Variants in PACS2 observed in about 807,000 individuals in gnomAD.
The protein encoded by PACS2 is PACS1-like protein.
PACS2 carries 36 observed loss-of-function variants against 113.0 expected under a neutral mutation model. The ratio of observed to expected loss-of-function variants is 0.32; its 90% CI spans 0.24 to 0.42. The LOEUF is 0.42. Among genes scored for constraint, PACS2 ranks in the 10% least tolerant of loss-of-function variants. The probability of loss-of-function intolerance (pLI) is 1.00; values close to 1 mark genes in which losing one functional copy is unlikely to be tolerated. For synonymous variants in PACS2, 589 were observed against 536.1 expected (o/e 1.10, Z -1.36); for missense variants, 1,015 against 1,239.5 (o/e 0.82, Z 2.72).
At chr14:105,367,098 G>T (rs2060967926) in intron 4 of PACS2, 115 bp from the exon 5 acceptor site, 2 of 919,818 alleles carry the variant, frequency 2.2e-6, no homozygotes, top group African/African-American at 1.7e-5. Context: ...CCTGCTGAGG[G>T]TCCCCCTTGC....
intron 1 of PACS2, among the ~76,000 whole-genome samples, chr14:105,347,007 C>T (rs1161408336): frequency 2.5e-5 from 2 of 79,740 alleles, no homozygotes; most frequent in Non-Finnish European, 5.0e-5. Flanking sequence ...CACAGCTTCC[C>T]TACCCCCGCC....
At chr14:105,361,776 C>A (rs1555406526) in intron 4 of PACS2, among the ~76,000 whole-genome samples, 1 of 152,086 alleles carries the variant, frequency 6.6e-6, no homozygotes, top group Non-Finnish European at 1.5e-5. Flanking sequence ...ATGGAGAAAC[C>A]CCGTCTCTAC....
At position 105,367,200 on chromosome 14, in the gene PACS2, C is replaced by T. The variant is rs782485299; in HGVS notation, c.424-13C>T. On this transcript the variant is annotated splice_polypyrimidine_tract_variant and intron_variant, in intron 4 of 24. Coordinates refer to ENST00000447393, the MANE Select transcript of PACS2 (RefSeq NM_001100913.3). The stretch of plus-strand genomic sequence containing the variant: ...GTCGTGCTGCTTTCTAGAACCGTGC[C>T]CCTGGCCTGCAGGTGATGCAACACC... 6.2e-7 allele frequency: 1 copy of T among 1,611,924 alleles called. No individual in the cohort carries two copies. The highest frequency in any genetic ancestry group is 2.2e-5 in the East Asian group (1 of 44,856).
chr14:105,380,483 C>T (rs1434421206), intron 11 of PACS2, among the ~76,000 whole-genome samples: 1 of 148,146 alleles, frequency 6.8e-6, no homozygotes, highest in Admixed American at 6.7e-5. Flanking sequence ...CCCTCAGGGT[C>T]AGGGCAGCTG....
Position 105,376,995 on chromosome 14 carries a change from G to A in PACS2, c.959+70G>A, listed in dbSNP as rs1389050124. Reference sequence around the variant, plus strand: ...GCCCCGGCCACTCTGCGACCACTCTGGCAGACCCATGTCCAGCCCTGGAGA... The same window carrying A: ...GCCCCGGCCACTCTGCGACCACTCTAGCAGACCCATGTCCAGCCCTGGAGA... On this transcript the variant is annotated intron_variant, in intron 9 of 24. Transcript: ENST00000447393. This position sits in a 1 kb window ranked among gnomAD's most constrained non-coding sequence, Gnocchi z 4.7. 2.7e-5 allele frequency: 40 copies of A among 1,470,358 alleles called. No homozygotes were observed. Among genetic ancestry groups the A allele is most frequent in the Non-Finnish European group, 3.3e-5 (36 of 1,089,310 alleles). The allele number at this position is 1,470,358 out of a possible 1,614,324, so 91.1% of individuals were successfully genotyped here.
chr14:105,363,355 T>C (rs375024127), intron 4 of PACS2, among the ~76,000 whole-genome samples: 6 of 151,366 alleles, frequency 4.0e-5, no homozygotes, highest in African/African-American at 1.5e-4. Flanking sequence ...TGTTGTTTAG[T>C]GTTAGCCACC....
At position 105,368,034 on chromosome 14, in the gene PACS2, A is replaced by T. The variant is rs782712078; in HGVS notation, c.587-40A>T. The T allele has an allele frequency of 5.1e-6, 7 of 1,383,764 alleles. No homozygotes were observed. The South Asian group carries it at 8.1e-5, about 16-fold the overall frequency. 85.7% of individuals were successfully genotyped at this position (1,383,764 alleles called of 1,614,324 possible). On this transcript the variant is annotated intron_variant, in intron 5 of 24. Coordinates refer to ENST00000447393, the MANE Select transcript of PACS2 (RefSeq NM_001100913.3). Reference sequence around the variant, plus strand: ...GGTCACTGCCTGGTTTCCCGGGTGGAATCTCACGGCACCCTCCCTTCTGTC... The same window carrying T: ...GGTCACTGCCTGGTTTCCCGGGTGGTATCTCACGGCACCCTCCCTTCTGTC...
chr14:105,352,677 C>CGGGCACCCCTCATCACCGTCCCCTGGGGT (rs2141030020), intron 3 of PACS2, among the ~76,000 whole-genome samples: 2 of 110,910 alleles, frequency 1.8e-5, no homozygotes, highest in South Asian at 6.5e-4. Context: ...TCCCCTGGGG[C>CGGGCACCCCTCATCACCGTCCCCTGGGGT]GACGGGCCCC....
In PACS2 at chr14:105,317,169, G is replaced by C. The variant is rs143603899; in HGVS notation, c.119+2132G>C. Among the ~76,000 whole-genome samples, 94 of 152,322 alleles carry C rather than the reference G, an allele frequency of 6.2e-4. 1 individual carries two copies. Among genetic ancestry groups the C allele is most frequent in the Middle Eastern group, 6.8e-3 (2 of 294 alleles). Reference sequence around the variant, plus strand: ...GCTGCGTGTGTGCTGATGCCTTTCGGCGTGTTCACTGCTGCGTACTATTCA... The same window carrying C: ...GCTGCGTGTGTGCTGATGCCTTTCGCCGTGTTCACTGCTGCGTACTATTCA... On this transcript the variant is annotated intron_variant, in intron 1 of 24. Transcript: ENST00000447393. The surrounding 1 kb of genome is among the most constrained non-coding windows in gnomAD (Gnocchi z 4.2).
intron 3 of PACS2, among the ~76,000 whole-genome samples, chr14:105,353,968 T>C (rs1326088100): frequency 1.3e-5 from 2 of 151,472 alleles, no homozygotes; most frequent in Non-Finnish European, 2.9e-5. Flanking sequence ...TCCCAGCACT[T>C]CGGGAGGCCG....
intron 1 of PACS2, among the ~76,000 whole-genome samples, chr14:105,318,596 C>T (rs757461129): frequency 6.6e-6 from 1 of 151,664 alleles, no homozygotes; most frequent in Non-Finnish European, 1.5e-5. Flanking sequence ...ACTACAGGCG[C>T]CTGCCAGCAT....
chr14:105,387,437 A>C (rs1232980817), intron 19 of PACS2, among the ~76,000 whole-genome samples: 2 of 152,210 alleles, frequency 1.3e-5, no homozygotes, highest in African/African-American at 4.8e-5. Context: ...GCCCAGGGCC[A>C]TGCGGAGTGG....
chr14:105,373,520 A>G (rs1555409760), intron 8 of PACS2, among the ~76,000 whole-genome samples: 1 of 152,252 alleles, frequency 6.6e-6, no homozygotes. Flanking sequence ...ATGCAAAAGA[A>G]GGAATTACAG....
At chr14:105,368,319 G>T in intron 6 of PACS2, 140 bp from the exon 7 acceptor site, 1 of 820,502 alleles carries the variant, frequency 1.2e-6, no homozygotes, top group Non-Finnish European at 2.0e-6. Context: ...CCGAGTTTAT[G>T]CTCAGGTGGC....
At chr14:105,385,637 AG>A in intron 18 of PACS2, 47 bp from the exon 19 acceptor site, 1 of 1,427,070 alleles carries the variant, frequency 7.0e-7, no homozygotes, top group Non-Finnish European at 9.4e-7. Context: ...AGGGGTCCTG[AG>A]GGCGTCGTAA....
At chr14:105,326,727 G>A (rs1239048287) in intron 1 of PACS2, among the ~76,000 whole-genome samples, 1 of 152,208 alleles carries the variant, frequency 6.6e-6, no homozygotes, top group African/African-American at 2.4e-5. Context: ...AGCTCTGGCC[G>A]TGAAGACCCA....
chr14:105,322,413 G>A (rs879854990), intron 1 of PACS2, among the ~76,000 whole-genome samples: 4 of 150,786 alleles, frequency 2.7e-5, no homozygotes, highest in Non-Finnish European at 3.0e-5. Context: ...ACAGGTGCGC[G>A]CCACCGCACC....
chr14:105,385,468 C>T (rs587717837), intron 18 of PACS2, among the ~76,000 whole-genome samples: 4 of 152,254 alleles, frequency 2.6e-5, no homozygotes, highest in South Asian at 2.1e-4. Context: ...CTGTCCCGCC[C>T]GGCGCCTCCT....
At chr14:105,382,298 C>A (rs1555412263) in intron 13 of PACS2, among the ~76,000 whole-genome samples, 179 bp from the exon 14 acceptor site, 3 of 152,218 alleles carry the variant, frequency 2.0e-5, no homozygotes, top group Admixed American at 6.5e-5. Flanking sequence ...TGGTCCAGGG[C>A]AGCCTCATTG....
Sources: allele counts gnomAD v4.1 joint callset (sites outside exome capture counted in the v4.1 genomes callset), GRCh38; gene constraint gnomAD v4.1.1; non-coding constraint Gnocchi (gnomAD v3.1); transcripts MANE v1.5; gene names NCBI Gene and HGNC (gene_info 2026-07-23, HGNC 2026-07-21).